Variants in TASP1 observed in about 807,000 individuals in gnomAD.
TASP1 encodes the protein taspase 1, also known as threonine aspartase 1.
TASP1 carries 16 observed loss-of-function variants against 56.6 expected under a neutral mutation model. The ratio of observed to expected loss-of-function variants is 0.28; its 90% CI spans 0.19 to 0.43. TASP1 has a LOEUF of 0.43. TASP1 is among the 20% of genes least tolerant of loss of function. TASP1 has a pLI of 1.00. For synonymous variants in TASP1, 179 were observed against 184.2 expected (o/e 0.97, Z 0.23); for missense variants, 393 against 511.6 (o/e 0.77, Z 2.24).
At chr20:13,445,179 A>C (rs571850833) in intron 11 of TASP1, among the ~76,000 whole-genome samples, 1 of 152,288 alleles carries the variant, frequency 6.6e-6, no homozygotes, top group East Asian at 1.9e-4. Context: ...TCTTCGGATA[A>C]ATTTACTGAC....
chr20:13,231,608 T>C, the TASP1 span, among the ~76,000 whole-genome samples: 1 of 152,102 alleles, frequency 6.6e-6, no homozygotes, highest in African/African-American at 2.4e-5. Context: ...CGAGTAGAAG[T>C]AAAAACAGTA....
At chr20:13,108,561 G>T in the TASP1 span, among the ~76,000 whole-genome samples, 2 of 152,144 alleles carry the variant, frequency 1.3e-5, no homozygotes, top group Non-Finnish European at 2.9e-5. Context: ...TACTGACTAT[G>T]CAGCTTTAGA....
chr20:13,420,642 T>C (rs2042403031), intron 12 of TASP1, among the ~76,000 whole-genome samples: 1 of 152,248 alleles, frequency 6.6e-6, no homozygotes. Context: ...ATTTAACAAA[T>C]TATTTCTTAG....
chr20:13,487,868 C>A (rs1320197322), intron 10 of TASP1, among the ~76,000 whole-genome samples: 1 of 152,092 alleles, frequency 6.6e-6, no homozygotes, highest in Non-Finnish European at 1.5e-5. Context: ...TCTATAAAAT[C>A]TTCTTAATGT....
rs145762047 is a variant in TASP1, at chr20:13,629,460, T to G, written c.145+474A>C. On this transcript the variant is annotated intron_variant, in intron 2 of 13. Transcript: ENST00000337743. The stretch of plus-strand genomic sequence containing the variant: ...AGTCTCACATGGGAATCAATACAAT[T>G]TTTTCAGCAATATTTTATTTTATTT... Among the ~76,000 whole-genome samples the G allele has an allele frequency of 3.3e-3, 502 of 151,994 alleles. 3 individuals carry two copies. Among genetic ancestry groups the G allele is most frequent in the Admixed American group, 7.1e-3 (108 of 15,230 alleles).
At chr20:13,288,718 G>A in the TASP1 span, 1 of 1,578,198 alleles carries the variant, frequency 6.3e-7, no homozygotes, top group African/African-American at 1.4e-5. Context: ...CCAAGTTCAA[G>A]GGGAAAGCTT....
chr20:13,162,386 G>T, the TASP1 span, among the ~76,000 whole-genome samples: 1 of 152,190 alleles, frequency 6.6e-6, no homozygotes, highest in Non-Finnish European at 1.5e-5. Flanking sequence ...CAAAACACCT[G>T]CTTTGAAAGG....
the TASP1 span, among the ~76,000 whole-genome samples, chr20:13,290,613 G>T: frequency 6.6e-6 from 1 of 152,168 alleles, no homozygotes; most frequent in South Asian, 2.1e-4. Flanking sequence ...AGCCGAGATC[G>T]GGCCACTGCA....
intron 5 of TASP1, 147 bp downstream of exon 5, chr20:13,587,103 T>C: frequency 9.6e-7 from 1 of 1,040,278 alleles, no homozygotes; most frequent in South Asian, 2.1e-5. Flanking sequence ...ACTAAGACTG[T>C]ATGTTTTAAA....
chr20:13,454,590 C>T (rs1163969929), intron 11 of TASP1, among the ~76,000 whole-genome samples: 3 of 152,146 alleles, frequency 2.0e-5, no homozygotes, highest in Admixed American at 6.6e-5. Flanking sequence ...AGGGGGCCCA[C>T]GTACCACAGC....
intron 5 of TASP1, among the ~76,000 whole-genome samples, chr20:13,584,474 A>G (rs1033913150): frequency 6.6e-6 from 1 of 152,324 alleles, no homozygotes; most frequent in Middle Eastern, 3.4e-3. Flanking sequence ...CAAACACACG[A>G]AATTTTATTA....
At chr20:13,126,850 C>G in the TASP1 span, 2 of 1,255,708 alleles carry the variant, frequency 1.6e-6, no homozygotes, top group East Asian at 5.0e-5. Flanking sequence ...GTGATAAATG[C>G]ACAAAACTGC....
intron 10 of TASP1, among the ~76,000 whole-genome samples, chr20:13,507,422 A>G (rs2044172420): frequency 6.6e-6 from 1 of 152,066 alleles, no homozygotes; most frequent in South Asian, 2.1e-4. Context: ...AGTCCCACCT[A>G]TTCAGGAGGC....
the TASP1 span, among the ~76,000 whole-genome samples, chr20:13,344,310 T>C: frequency 1.3e-5 from 2 of 152,054 alleles, no homozygotes; most frequent in Non-Finnish European, 1.5e-5. Context: ...CCCTCCTGCC[T>C]GGATTGGATT....
At chr20:13,545,805 C>T (rs180777585) in intron 8 of TASP1, among the ~76,000 whole-genome samples, 15 of 152,254 alleles carry the variant, frequency 9.9e-5, no homozygotes, top group Admixed American at 3.9e-4. Flanking sequence ...AGAAAACCTA[C>T]GGTGCAACCA....
At chr20:13,387,184 A>ATTTTTTTTTTTTTTTTT (rs779048448), downstream of TASP1, among the ~76,000 whole-genome samples, 3 of 70,694 alleles carry the variant, frequency 4.2e-5, 1 homozygote, top group African/African-American at 2.0e-4. Flanking sequence ...ACATGATTTC[A>ATTTTTTTTTTTTTTTTT]TTTTTTTTTT....
At chr20:13,132,303 A>G in the TASP1 span, among the ~76,000 whole-genome samples, 152 of 149,272 alleles carry the variant, frequency 1.0e-3, no homozygotes, top group African/African-American at 3.7e-3. Context: ...CAGCCTCCTG[A>G]GTAGCTGGGA....
intron 10 of TASP1, among the ~76,000 whole-genome samples, chr20:13,509,777 C>A (rs946344671): frequency 1.3e-5 from 2 of 152,180 alleles, no homozygotes. Flanking sequence ...CAGGCGCGCA[C>A]CATCACGCCC....
the TASP1 span, among the ~76,000 whole-genome samples, chr20:13,190,464 A>G: frequency 3.3e-5 from 5 of 152,206 alleles, no homozygotes; most frequent in Admixed American, 3.3e-4. Flanking sequence ...CAAAGGTACC[A>G]AAAACAAACA....
Sources: gnomAD v4.1 joint callset for allele counts (sites outside exome capture counted in the v4.1 genomes callset) on GRCh38, gnomAD v4.1.1 for gene constraint, MANE v1.5 for transcripts, NCBI Gene and HGNC (gene_info 2026-07-23, HGNC 2026-07-21) for gene names.